Variants in RBFOX1 observed in about 807,000 individuals in gnomAD.
RBFOX1 encodes RNA binding protein fox-1 homolog 1.
RBFOX1 carries 8 observed loss-of-function variants against 57.7 expected under a neutral mutation model. The ratio of observed to expected loss-of-function variants is 0.14; its 90% CI spans 0.08 to 0.25. The LOEUF (loss-of-function observed/expected upper bound fraction) is 0.25. RBFOX1 is among the 10% of genes least tolerant of loss of function. The pLI is 1.00. For missense variants in RBFOX1, 611 were observed against 548.5 expected, an observed-to-expected ratio of 1.11 and a Z score of -1.14; for synonymous variants, 326 against 222.4, an observed-to-expected ratio of 1.47 and a Z score of -4.15.
intron 1 of RBFOX1, among the ~76,000 whole-genome samples, chr16:5,413,571 A>G (rs921807236): frequency 4.6e-5 from 7 of 152,176 alleles, no homozygotes; most frequent in Admixed American, 3.3e-4. Flanking sequence ...GACGTAGAAC[A>G]TTTCCATTGT....
chr16:6,977,515 C>A (rs1031416053), intron 3 of RBFOX1, among the ~76,000 whole-genome samples: 1 of 152,042 alleles, frequency 6.6e-6, no homozygotes, highest in Non-Finnish European at 1.5e-5. Flanking sequence ...TTTTCCAGCC[C>A]TCACTCAAAA....
intron 1 of RBFOX1, among the ~76,000 whole-genome samples, chr16:5,362,542 A>C (rs935221466): frequency 2.6e-5 from 4 of 152,214 alleles, no homozygotes; most frequent in Middle Eastern, 3.4e-3. Flanking sequence ...TTGTATTTTT[A>C]GTAGAGACGG....
chr16:6,189,338 A>C (rs2097127535), intron 1 of RBFOX1, among the ~76,000 whole-genome samples: 1 of 152,214 alleles, frequency 6.6e-6, no homozygotes, highest in African/African-American at 2.4e-5. Flanking sequence ...CCCGGAGTGC[A>C]TTCAAGAGTC....
chr16:7,544,971 T>A (rs2084018846), intron 5 of RBFOX1, among the ~76,000 whole-genome samples: 1 of 152,178 alleles, frequency 6.6e-6, no homozygotes, highest in South Asian at 2.1e-4. Context: ...GTGAACGGAA[T>A]GTATGAATGA....
chr16:7,510,466 A>AGT (rs749168293), intron 4 of RBFOX1, among the ~76,000 whole-genome samples: 23 of 147,120 alleles, frequency 1.6e-4, no homozygotes, highest in Middle Eastern at 3.4e-3. Context: ...TGGTGAAGAG[A>AGT]GTGTGTGTGT....
chr16:7,299,470 A>G (rs2095978523), intron 4 of RBFOX1, among the ~76,000 whole-genome samples: 1 of 152,212 alleles, frequency 6.6e-6, no homozygotes, highest in African/African-American at 2.4e-5. Flanking sequence ...TTTACACAGA[A>G]TCAGGCTCTA....
chr16:6,980,871 C>T (rs2088594865), intron 3 of RBFOX1, among the ~76,000 whole-genome samples: 1 of 151,810 alleles, frequency 6.6e-6, no homozygotes, highest in Non-Finnish European at 1.5e-5. Context: ...GTTGAAACCC[C>T]ATCTGTACTA....
intron 1 of RBFOX1, among the ~76,000 whole-genome samples, chr16:6,197,236 G>A (rs533782252): frequency 6.6e-6 from 1 of 152,084 alleles, no homozygotes; most frequent in Non-Finnish European, 1.5e-5. Context: ...ATCTCTTGGT[G>A]ACTCCCCAAA....
At chr16:6,500,692 C>T (rs939325254) in intron 2 of RBFOX1, among the ~76,000 whole-genome samples, 1 of 151,564 alleles carries the variant, frequency 6.6e-6, no homozygotes, top group African/African-American at 2.4e-5. Flanking sequence ...AACTCAGGGT[C>T]TTAGAAAACT....
At position 6,094,851 on chromosome 16, in the gene RBFOX1, T is replaced by G. The variant is rs143995223; in HGVS notation, c.-127+74859T>G. The stretch of plus-strand genomic sequence containing the variant: ...GGCTGAGGCGGATCACCTGAGGTCA[T>G]AAGTTTGAGACCAGCCTGGCCAACA... On this transcript the variant is annotated intron_variant, in intron 1 of 15. Transcript: ENST00000550418. Among the ~76,000 whole-genome samples the G allele has an allele frequency of 4.2e-3, 633 of 152,294 alleles. 1 individual carries two copies. The highest frequency in any genetic ancestry group is 0.014 in the African/African-American group (592 of 41,548).
At chr16:6,211,050 C>A (rs1310045310) in intron 1 of RBFOX1, among the ~76,000 whole-genome samples, 2 of 151,938 alleles carry the variant, frequency 1.3e-5, no homozygotes, top group African/African-American at 4.8e-5. Flanking sequence ...ACACACATAG[C>A]ACTGGGGCAA....
chr16:6,649,346 A>T (rs1056999214), intron 2 of RBFOX1, among the ~76,000 whole-genome samples: 1 of 152,042 alleles, frequency 6.6e-6, no homozygotes, highest in Non-Finnish European at 1.5e-5. Context: ...TTCTTCCTTG[A>T]TGGACACTTA....
intron 2 of RBFOX1, among the ~76,000 whole-genome samples, chr16:6,637,072 G>A (rs1174828421): frequency 2.7e-5 from 2 of 75,244 alleles, no homozygotes; most frequent in Non-Finnish European, 4.7e-5. Context: ...GTATAAATAT[G>A]TTTAATATAT....
At chr16:6,897,486 A>C (rs1351777792) in intron 3 of RBFOX1, among the ~76,000 whole-genome samples, 1 of 152,222 alleles carries the variant, frequency 6.6e-6, no homozygotes, top group East Asian at 1.9e-4. Context: ...ACTGTATTTA[A>C]GAAAATGGTC....
intron 2 of RBFOX1, among the ~76,000 whole-genome samples, chr16:5,537,013 C>G (rs2044726967): frequency 6.6e-6 from 1 of 152,192 alleles, no homozygotes; most frequent in Non-Finnish European, 1.5e-5. Context: ...ATCATCTTCT[C>G]CCCAGTTTTA....
intron 1 of RBFOX1, among the ~76,000 whole-genome samples, chr16:6,093,604 T>G (rs2096206961): frequency 6.6e-6 from 1 of 151,978 alleles, no homozygotes; most frequent in Non-Finnish European, 1.5e-5. Context: ...CATGGGACGG[T>G]CTGTGAATTC....
intron 3 of RBFOX1, among the ~76,000 whole-genome samples, chr16:6,807,327 G>C (rs916511540): frequency 2.6e-5 from 4 of 152,020 alleles, no homozygotes; most frequent in Non-Finnish European, 4.4e-5. Context: ...AAGAGAACTT[G>C]GCAATAAATT....
chr16:6,616,747 A>C (rs12929958), intron 2 of RBFOX1, among the ~76,000 whole-genome samples: 28,442 of 152,212 alleles, frequency 0.19, 3,108 homozygotes, highest in Middle Eastern at 0.24. Flanking sequence ...AAGTTTTCTT[A>C]ATTCATTGCA....
At chr16:6,853,368 G>T (rs2094171602) in intron 3 of RBFOX1, among the ~76,000 whole-genome samples, 1 of 152,132 alleles carries the variant, frequency 6.6e-6, no homozygotes, top group Non-Finnish European at 1.5e-5. Flanking sequence ...ATACCCTAAG[G>T]GTTGGCTGCA....
Sources: allele counts gnomAD v4.1 joint callset (sites outside exome capture counted in the v4.1 genomes callset), GRCh38; gene constraint gnomAD v4.1.1; transcripts MANE v1.5; gene names NCBI Gene and HGNC (gene_info 2026-07-23, HGNC 2026-07-21).